The following ARMC2 variants were observed in gnomAD, a reference collection of about 807,000 sequenced individuals.
ARMC2 encodes the protein armadillo repeat containing 2.
Under a neutral mutation model 90.3 loss-of-function variants are expected in ARMC2, and 67 were observed. The ratio of observed to expected loss-of-function variants is 0.74; its 90% CI spans 0.61 to 0.91. The LOEUF (loss-of-function observed/expected upper bound fraction) is 0.91. ARMC2 is among the 40% of genes least tolerant of loss of function. ARMC2 has a pLI of 0.00. For synonymous variants in ARMC2, 393 were observed against 393.0 expected (o/e 1.00, Z 0.00); for missense variants, 920 against 1,030.9 (o/e 0.89, Z 1.47).
Position 108,889,669 on chromosome 6 carries a change from G to A in ARMC2, c.672-4798G>A, listed in dbSNP as rs576650375. 5.3e-5 allele frequency among the ~76,000 whole-genome samples: 8 copies of A among 151,442 alleles called. No individual in the cohort carries two copies. The South Asian group carries it at 1.7e-3, about 32-fold the overall frequency. Reference sequence around the variant, plus strand: ...TGCCCAGGCTGGTCTTGAACTCCTTGAACTCCTAGGTGCAAGTGATCGTCT... The same window carrying A: ...TGCCCAGGCTGGTCTTGAACTCCTTAAACTCCTAGGTGCAAGTGATCGTCT... On this transcript the variant is annotated intron_variant, in intron 5 of 17. Coordinates refer to ENST00000392644, the MANE Select transcript of ARMC2 (RefSeq NM_032131.6).
chr6:108,929,177 G>A (rs958746638), intron 11 of ARMC2, among the ~76,000 whole-genome samples: 1 of 151,912 alleles, frequency 6.6e-6, no homozygotes, highest in African/African-American at 2.4e-5. Context: ...ACTTCCCTGA[G>A]CTTTGTTCTG....
chr6:109,005,110 A>G, the ARMC2 span, among the ~76,000 whole-genome samples: 3 of 152,360 alleles, frequency 2.0e-5, no homozygotes, highest in Admixed American at 1.3e-4. Context: ...GTGAAATGCC[A>G]TACGTAAAAG....
intron 12 of ARMC2, among the ~76,000 whole-genome samples, chr6:108,945,638 T>C (rs983947860): frequency 6.6e-6 from 1 of 152,244 alleles, no homozygotes; most frequent in African/African-American, 2.4e-5. Flanking sequence ...TGTTTAGACT[T>C]CTATAGGCAT....
the ARMC2 span, among the ~76,000 whole-genome samples, chr6:109,045,352 T>G: frequency 1.3e-5 from 2 of 152,172 alleles, no homozygotes; most frequent in African/African-American, 4.8e-5. Context: ...TCTAGCCTAT[T>G]CTCTACACTG....
chr6:108,924,619 T>A (rs930680560), intron 10 of ARMC2, among the ~76,000 whole-genome samples: 2 of 152,060 alleles, frequency 1.3e-5, no homozygotes, highest in Non-Finnish European at 2.9e-5. Flanking sequence ...GAGGACCTCA[T>A]GTGGTGCAGA....
At chr6:108,881,105 C>T (rs967296005) in intron 5 of ARMC2, among the ~76,000 whole-genome samples, 3 of 152,218 alleles carry the variant, frequency 2.0e-5, no homozygotes, top group African/African-American at 4.8e-5. Flanking sequence ...CTGCCCACCT[C>T]AGCCTCCCAA....
At chr6:109,004,518 C>T in the ARMC2 span, among the ~76,000 whole-genome samples, 1 of 151,646 alleles carries the variant, frequency 6.6e-6, no homozygotes, top group Non-Finnish European at 1.5e-5. Context: ...CTCACTGCAG[C>T]CTCTGCCTCC....
At chr6:108,916,749 G>T (rs771493867) in intron 10 of ARMC2, among the ~76,000 whole-genome samples, 1 of 152,222 alleles carries the variant, frequency 6.6e-6, no homozygotes, top group Non-Finnish European at 1.5e-5. Flanking sequence ...GGGTTCGTCT[G>T]TGACCTTTAA....
the ARMC2 span, among the ~76,000 whole-genome samples, chr6:108,979,813 A>G: frequency 1.3e-5 from 2 of 151,586 alleles, no homozygotes; most frequent in African/African-American, 2.4e-5. Flanking sequence ...ATGCTTCACG[A>G]AGTTCTTGTG....
the ARMC2 span, chr6:109,001,289 A>C: frequency 6.2e-7 from 1 of 1,613,012 alleles, no homozygotes; most frequent in Non-Finnish European, 8.5e-7. Flanking sequence ...TTTACAAACC[A>C]TTATTCCAAT....
At chr6:108,912,770 T>G (rs1773569061) in intron 10 of ARMC2, among the ~76,000 whole-genome samples, 1 of 152,130 alleles carries the variant, frequency 6.6e-6, no homozygotes, top group South Asian at 2.1e-4. Flanking sequence ...AGAGCAGCTC[T>G]CCACACAGCA....
At chr6:108,958,425 T>C (rs1242067159) in intron 13 of ARMC2, among the ~76,000 whole-genome samples, 1 of 152,216 alleles carries the variant, frequency 6.6e-6, no homozygotes, top group Non-Finnish European at 1.5e-5. Context: ...AAGTGCCTAG[T>C]GCTGTTTATG....
chr6:108,987,398 C>T, the ARMC2 span: 3 of 533,692 alleles, frequency 5.6e-6, no homozygotes, highest in South Asian at 5.8e-5. Context: ...TGGTTTTCCA[C>T]AGAAAAATAG....
chr6:108,862,638 A>G (rs1276286059), intron 3 of ARMC2, among the ~76,000 whole-genome samples: 4 of 152,100 alleles, frequency 2.6e-5, no homozygotes, highest in Non-Finnish European at 1.5e-5. Context: ...CTAAATTGGC[A>G]AAGGGCAGAG....
the ARMC2 span, among the ~76,000 whole-genome samples, chr6:109,038,378 G>A: frequency 6.6e-6 from 1 of 152,220 alleles, no homozygotes; most frequent in Non-Finnish European, 1.5e-5. Context: ...TATAGTCCCA[G>A]CTACTTGGGA....
chr6:108,869,391 C>G (rs1169952488), intron 4 of ARMC2, among the ~76,000 whole-genome samples: 1 of 152,058 alleles, frequency 6.6e-6, no homozygotes, highest in Non-Finnish European at 1.5e-5. Flanking sequence ...GCCTGTAATC[C>G]CAGCTACTCG....
At chr6:108,928,701 C>T (rs1477963110) in intron 11 of ARMC2, among the ~76,000 whole-genome samples, 6 of 152,194 alleles carry the variant, frequency 3.9e-5, no homozygotes, top group African/African-American at 1.4e-4. Context: ...GTCAAGTCTA[C>T]ACTTACTTTA....
At chr6:109,019,495 A>T in the ARMC2 span, among the ~76,000 whole-genome samples, 507 of 152,300 alleles carry the variant, frequency 3.3e-3, no homozygotes, top group African/African-American at 9.8e-3. Context: ...CACCTTCACA[A>T]TGTAAATTTC....
intron 17 of ARMC2, 91 bp from the exon 18 acceptor site, chr6:108,973,265 AG>A: frequency 9.1e-7 from 1 of 1,100,754 alleles, no homozygotes; most frequent in Non-Finnish European, 1.3e-6. Context: ...AGGACGACCC[AG>A]GGTGAGTTTA....
Sources: gnomAD v4.1 joint callset for allele counts (sites outside exome capture counted in the v4.1 genomes callset) on GRCh38, gnomAD v4.1.1 for gene constraint, MANE v1.5 for transcripts, NCBI Gene and HGNC (gene_info 2026-07-23, HGNC 2026-07-21) for gene names.